Variants in PRPF3 observed in about 807,000 individuals in gnomAD.
PRPF3 encodes pre-mRNA processing factor 3, also known as U4/U6 small nuclear ribonucleoprotein Prp3.
In PRPF3, 3 loss-of-function variants were observed where a neutral mutation model predicts 89.2. The observed-to-expected ratio is 0.03, with a 90% CI of 0.02 to 0.09. PRPF3 has a LOEUF of 0.09. Ranked by LOEUF, PRPF3 falls within the 10% of genes least tolerant of loss-of-function variation. The pLI, the probability that PRPF3 is intolerant of heterozygous loss-of-function variation, is 1.00. For synonymous variants in PRPF3, 270 were observed against 289.1 expected, an observed-to-expected ratio of 0.93 and a Z score of 0.67; for missense variants, 463 against 828.8, an observed-to-expected ratio of 0.56 and a Z score of 5.42.
At chr1:150,337,812 T>C (rs1433714566) in intron 7 of PRPF3, among the ~76,000 whole-genome samples, 2 of 150,908 alleles carry the variant, frequency 1.3e-5, no homozygotes, top group African/African-American at 4.9e-5. Flanking sequence ...CAGTGGCTCA[T>C]GCCTGTAATC....
intron 15 of PRPF3, among the ~76,000 whole-genome samples, chr1:150,351,716 C>T (rs1441579389): frequency 7.5e-6 from 1 of 133,102 alleles, no homozygotes; most frequent in Non-Finnish European, 1.6e-5. Context: ...CACTATGTTG[C>T]CTAGGCTTGT....
intron 6 of PRPF3, among the ~76,000 whole-genome samples, chr1:150,334,488 A>G (rs1489842135): frequency 6.6e-6 from 1 of 151,648 alleles, no homozygotes; most frequent in Non-Finnish European, 1.5e-5. Flanking sequence ...GTGCCCGTCT[A>G]AATTTTGTAT....
At position 150,325,087 on chromosome 1, in the gene PRPF3, G is replaced by A. The variant is rs910066987; in HGVS notation, c.145G>A (p.Asp49Asn). ...GGGCATGGACAAGAAGAAGGCAGCC[G>A]GTATGTACCTTTCTGCATCTTTTAT... ...GKGMDKKKAA[D>N]HLKPFLDDST... Residue 49 changes from aspartate (D) to asparagine (N), a missense_variant and splice_region_variant, in exon 2 of 16, where the codon GAT becomes AAT. Asp to Asn is a conservative substitution (Grantham distance 23, BLOSUM62 1). Transcript: ENST00000324862. The A allele has an allele frequency of 4.3e-6, 7 of 1,612,786 alleles. No homozygotes were observed. The highest frequency in any genetic ancestry group is 1.3e-5 in the African/African-American group (1 of 74,800).
chr1:150,344,618 T>C, intron 12 of PRPF3, 71 bp downstream of exon 12: 2 of 1,518,556 alleles, frequency 1.3e-6, no homozygotes, highest in South Asian at 2.3e-5. Flanking sequence ...TGAGGCAGAA[T>C]CATTGTGGCC....
intron 8 of PRPF3, 39 bp from the exon 9 acceptor site, chr1:150,340,359 A>T: frequency 7.2e-7 from 1 of 1,393,122 alleles, no homozygotes; most frequent in Non-Finnish European, 1.0e-6. Context: ...AATCATCTCT[A>T]CCCGCATATC....
intron 4 of PRPF3, chr1:150,330,460 A>G (rs1553865110): frequency 6.6e-6 from 1 of 152,510 alleles, no homozygotes. Context: ...GGTTCACGCC[A>G]TTCTCCTGCC....
intron 14 of PRPF3, among the ~76,000 whole-genome samples, chr1:150,347,607 A>C (rs1449153567): frequency 6.6e-6 from 1 of 152,006 alleles, no homozygotes; most frequent in Non-Finnish European, 1.5e-5. Context: ...GGACCTCTGT[A>C]ATCCCAGCTA....
At chr1:150,343,815 G>A (rs3850841) in intron 10 of PRPF3, among the ~76,000 whole-genome samples, 32,428 of 152,040 alleles carry the variant, frequency 0.21, 3,936 homozygotes, top group African/African-American at 0.29. Context: ...ACTTGACCCT[G>A]TAGTTACATT....
At chr1:150,339,736 C>CAT (rs1560106572) in intron 8 of PRPF3, among the ~76,000 whole-genome samples, 5 of 104,566 alleles carry the variant, frequency 4.8e-5, no homozygotes, top group Middle Eastern at 4.5e-3. Context: ...CCACGCCTGG[C>CAT]GTTTTTTTTT....
intron 2 of PRPF3, 150 bp downstream of exon 2, chr1:150,325,237 A>C (rs1655574433): frequency 1.2e-6 from 1 of 866,454 alleles, no homozygotes; most frequent in African/African-American, 1.7e-5. Context: ...AATAGGCTAA[A>C]TAATAATTTG....
At chr1:150,337,039 C>CTTTTT in intron 7 of PRPF3, among the ~76,000 whole-genome samples, 1 of 20,686 alleles carries the variant, frequency 4.8e-5, no homozygotes, top group African/African-American at 2.1e-4. Context: ...TCATAAAATT[C>CTTTTT]CTTTTTTTTT....
chr1:150,329,418 A>G (rs587636243), intron 4 of PRPF3, among the ~76,000 whole-genome samples: 9 of 152,256 alleles, frequency 5.9e-5, no homozygotes, highest in African/African-American at 2.2e-4. Flanking sequence ...TGAAATTGCC[A>G]TTTACTGTGG....
At chr1:150,348,460 ATTTTTTT>A (rs1185909509) in intron 14 of PRPF3, among the ~76,000 whole-genome samples, 1 of 48,464 alleles carries the variant, frequency 2.1e-5, no homozygotes, top group Non-Finnish European at 3.5e-5. Flanking sequence ...CTACACGTGC[ATTTTTTT>A]TTTTTTTTTT....
At chr1:150,323,154 C>T (rs782295801) in intron 1 of PRPF3, among the ~76,000 whole-genome samples, 1 of 133,174 alleles carries the variant, frequency 7.5e-6, no homozygotes, top group African/African-American at 2.8e-5. Flanking sequence ...GGATTACAGG[C>T]GTGAGCCACC....
intron 12 of PRPF3, 185 bp from the exon 13 acceptor site, chr1:150,345,833 G>GT: frequency 1.5e-6 from 1 of 672,558 alleles, no homozygotes; most frequent in Non-Finnish European, 2.7e-6. Flanking sequence ...TTGAAGAAAT[G>GT]TAAGAGTGTG....
In PRPF3 at chr1:150,323,213, C is replaced by T. The variant is rs587639020; in HGVS notation, c.-49+1621C>T. On this transcript the variant is annotated intron_variant, in intron 1 of 15. Transcript: ENST00000324862. ...TTTTTTTTTTGGAGACACAGTTTCA[C>T]TCTGTCGCTCAGGCTGGAGTGCACA... 5.9e-5 allele frequency among the ~76,000 whole-genome samples: 6 copies of T among 100,884 alleles called. No homozygotes were observed. In the South Asian group the frequency reaches 1.9e-3, roughly 32 times the overall value. 66.2% of individuals were successfully genotyped at this position (100,884 alleles called of 152,430 possible).
At chr1:150,322,031 C>A (rs781892121) in intron 1 of PRPF3, among the ~76,000 whole-genome samples, 3 of 152,088 alleles carry the variant, frequency 2.0e-5, no homozygotes, top group African/African-American at 7.2e-5. Flanking sequence ...ACCCCCACTA[C>A]CCCCGCACCT....
intron 2 of PRPF3, 124 bp from the exon 3 acceptor site, chr1:150,325,627 C>G: frequency 7.5e-7 from 1 of 1,324,518 alleles, no homozygotes; most frequent in Non-Finnish European, 1.1e-6. Context: ...GGGAATCCTA[C>G]AAAAAACTTA....
chr1:150,346,270 T>C, intron 13 of PRPF3, 134 bp downstream of exon 13: 1 of 1,235,586 alleles, frequency 8.1e-7, no homozygotes, highest in Non-Finnish European at 1.2e-6. Context: ...TCTCTGCTTC[T>C]GTGTTTTTTG....
Sources: gnomAD v4.1 joint callset for allele counts (sites outside exome capture counted in the v4.1 genomes callset) on GRCh38, gnomAD v4.1.1 for gene constraint, MANE v1.5 for transcripts, NCBI Gene and HGNC (gene_info 2026-07-23, HGNC 2026-07-21) for gene names.